Variants in SMURF1 observed in about 807,000 individuals in gnomAD.
The protein encoded by SMURF1 is SMAD specific E3 ubiquitin protein ligase 1, also known as E3 ubiquitin-protein ligase SMURF1.
A neutral mutation model predicts 98.0 loss-of-function variants in SMURF1; 44 were observed. The ratio of observed to expected loss-of-function variants is 0.45; its 90% confidence interval spans 0.35 to 0.58. The LOEUF is 0.58. SMURF1 is among the 20% of genes least tolerant of loss of function. The pLI is 0.00. For synonymous variants in SMURF1, 396 were observed against 374.9 expected, an observed-to-expected ratio of 1.06 and a Z score of -0.65; for missense variants, 687 against 938.4, an observed-to-expected ratio of 0.73 and a Z score of 3.50.
intron 8 of SMURF1, chr7:99,051,095 G>A: frequency 8.9e-7 from 1 of 1,123,174 alleles, no homozygotes; most frequent in Non-Finnish European, 1.3e-6. Context: ...AAAAGTTAGT[G>A]ATCATAAGGA....
intron 1 of SMURF1, among the ~76,000 whole-genome samples, chr7:99,090,206 C>A (rs1796778252): frequency 6.6e-6 from 1 of 152,136 alleles, no homozygotes; most frequent in South Asian, 2.1e-4. Context: ...TGGCCTCCAG[C>A]GGGTGATCCG....
intron 1 of SMURF1, among the ~76,000 whole-genome samples, chr7:99,115,344 G>A (rs1797414585): frequency 6.6e-6 from 1 of 152,158 alleles, no homozygotes; most frequent in Non-Finnish European, 1.5e-5. Context: ...TGTAATCCCA[G>A]CACTTTGCGA....
chr7:99,104,324 C>T (rs1035120064), intron 1 of SMURF1, among the ~76,000 whole-genome samples: 1 of 152,122 alleles, frequency 6.6e-6, no homozygotes, highest in African/African-American at 2.4e-5. Flanking sequence ...ATAAAAGTAT[C>T]CATGATCTCA....
At position 99,086,174 on chromosome 7, in the gene SMURF1, C is replaced by T. The variant is rs576803280; in HGVS notation, c.56-24337G>A. 7.9e-5 allele frequency among the ~76,000 whole-genome samples: 12 copies of T among 152,048 alleles called. No individual in the cohort carries two copies. In the South Asian group the frequency reaches 1.3e-3, roughly 16 times the overall value. ...CAGCCTGGCCAACATGGTGAAACTCCGTCTCTACTAAAAATACAAAAATTA... is the reference window on the plus strand; with the variant it reads ...CAGCCTGGCCAACATGGTGAAACTCTGTCTCTACTAAAAATACAAAAATTA... On this transcript the variant is annotated intron_variant, in intron 1 of 17. Transcript: ENST00000361368.
At position 99,052,198 on chromosome 7, in the gene SMURF1, C is replaced by T. The variant is rs757383276; in HGVS notation, c.721+7G>A. ...GGCATTGGCCACAGCAGGATACATT[C>T]TCTCACCGTAGCCTTCGGGCAGTTC... is the stretch of plus-strand genomic sequence containing the variant. On this transcript the variant is annotated splice_region_variant and intron_variant, in intron 7 of 17. Transcript: ENST00000361368. The T allele has an allele frequency of 2.0e-6, 3 of 1,534,316 alleles. No homozygotes were observed. The highest frequency in any genetic ancestry group is 2.8e-5 in the African/African-American group (2 of 72,354).
chr7:99,076,437 A>G (rs1796460275), intron 1 of SMURF1, among the ~76,000 whole-genome samples: 3 of 152,234 alleles, frequency 2.0e-5, no homozygotes, highest in Admixed American at 2.0e-4. Context: ...TCTAAAATGC[A>G]TAATCCCAAT....
Position 99,029,447 on chromosome 7 carries a change from G to C in SMURF1, c.*1137C>G, listed in dbSNP as rs1210529713. ...CAAGTGAACCGAGTAGCAATCGTTA[G>C]TGTCACCAGCTGCCACTGGGAAAGG... On this transcript the variant is annotated 3_prime_UTR_variant, in exon 18 of 18. Coordinates refer to ENST00000361368, the MANE Select transcript of SMURF1 (RefSeq NM_181349.3). The C allele has an allele frequency of 1.3e-5, 2 of 152,230 alleles. No individual in the cohort carries two copies. Among genetic ancestry groups the C allele is most frequent in the Admixed American group, 1.3e-4 (2 of 15,264 alleles). The allele number at this position is 152,230 out of a possible 1,614,324, so 9.4% of individuals were successfully genotyped here. A position where few individuals can be genotyped will look rare whatever the true frequency, so the allele number is the denominator to read the frequency against.
intron 16 of SMURF1, 170 bp downstream of exon 16, chr7:99,035,345 C>T: frequency 1.2e-6 from 1 of 847,342 alleles, no homozygotes. Context: ...TCACACACGG[C>T]CCCTGCCAGG....
chr7:99,116,328 G>A (rs1327809731), intron 1 of SMURF1, among the ~76,000 whole-genome samples: 1 of 151,950 alleles, frequency 6.6e-6, no homozygotes, highest in African/African-American at 2.4e-5. Context: ...CATATTTACT[G>A]GTGAAAGACC....
intron 1 of SMURF1, among the ~76,000 whole-genome samples, chr7:99,069,641 C>T (rs1162821978): frequency 2.6e-5 from 4 of 152,124 alleles, no homozygotes; most frequent in African/African-American, 4.8e-5. Context: ...CTTCCAAGGC[C>T]ACTGTACCAG....
At chr7:99,095,214 G>C (rs1796926243) in intron 1 of SMURF1, among the ~76,000 whole-genome samples, 1 of 152,026 alleles carries the variant, frequency 6.6e-6, no homozygotes, top group South Asian at 2.1e-4. Context: ...CGAGTAGCTG[G>C]GATTACAGGC....
intron 1 of SMURF1, among the ~76,000 whole-genome samples, chr7:99,089,333 GTTT>G (rs561898163): frequency 6.6e-6 from 1 of 151,206 alleles, no homozygotes; most frequent in African/African-American, 2.4e-5. Context: ...TTAAAATACA[GTTT>G]TTTTATTTTA....
In SMURF1 at chr7:99,143,711, TC is replaced by T. The variant is rs755879081; in HGVS notation, c.55+14del. The T allele has an allele frequency of 1.4e-5, 21 of 1,549,118 alleles. No homozygotes were observed. Among genetic ancestry groups the T allele is most frequent in the Non-Finnish European group, 2.6e-6 (3 of 1,150,806 alleles). On this transcript the variant is annotated intron_variant, in intron 1 of 17. Transcript: ENST00000361368. ...GGGGGCGCCGGGGCGCGGGTGGGCC[TC>T]CCGCCGGCCGTACCTGTCAGACGGA... is the stretch of plus-strand genomic sequence containing the variant.
At chr7:99,142,395 C>T (rs1328316754) in intron 1 of SMURF1, among the ~76,000 whole-genome samples, 2 of 151,764 alleles carry the variant, frequency 1.3e-5, no homozygotes, top group African/African-American at 4.8e-5. Flanking sequence ...TTAAAAGTAG[C>T]TAGCGGTCTG....
chr7:99,066,134 C>G (rs992574626), intron 1 of SMURF1, among the ~76,000 whole-genome samples: 6 of 152,118 alleles, frequency 3.9e-5, no homozygotes, highest in Admixed American at 1.3e-4. Context: ...CATCTCCACC[C>G]TTGTCCAAGC....
chr7:99,045,232 C>T (rs1177611069), intron 11 of SMURF1, among the ~76,000 whole-genome samples: 1 of 152,212 alleles, frequency 6.6e-6, no homozygotes, highest in East Asian at 1.9e-4. Context: ...TTTTTAATAT[C>T]ATTTTCTTGA....
At chr7:99,066,395 C>T (rs1419496328) in intron 1 of SMURF1, among the ~76,000 whole-genome samples, 1 of 152,186 alleles carries the variant, frequency 6.6e-6, no homozygotes, top group Non-Finnish European at 1.5e-5. Flanking sequence ...AATCTTTGCT[C>T]ATACAATGTT....
intron 1 of SMURF1, among the ~76,000 whole-genome samples, chr7:99,110,316 TAAC>T (rs905685098): frequency 3.9e-5 from 6 of 152,218 alleles, no homozygotes; most frequent in African/African-American, 1.4e-4. Context: ...TGGAGAAACA[TAAC>T]AAGTTCTTGG....
chr7:99,080,819 G>A (rs1056194552), intron 1 of SMURF1, among the ~76,000 whole-genome samples: 2 of 152,178 alleles, frequency 1.3e-5, no homozygotes, highest in Non-Finnish European at 2.9e-5. Context: ...TCCTTTTCCT[G>A]TCCTTCCAGG....
Sources: gnomAD v4.1 joint callset for allele counts (sites outside exome capture counted in the v4.1 genomes callset) on GRCh38, gnomAD v4.1.1 for gene constraint, MANE v1.5 for transcripts, NCBI Gene and HGNC (gene_info 2026-07-23, HGNC 2026-07-21) for gene names.